FHIT: variants seen among roughly 807,000 people sequenced by gnomAD.
The protein encoded by FHIT is fragile histidine triad diadenosine triphosphatase.
FHIT carries 19 observed loss-of-function variants against 17.9 expected under a neutral mutation model. The observed-to-expected ratio is 1.06, with a 90% CI of 0.74 to 1.56. The LOEUF is 1.56. Ranked by LOEUF, FHIT falls within the 40% of genes most tolerant of loss-of-function variation. The pLI, the probability that FHIT is intolerant of heterozygous loss-of-function variation, is 0.00. For synonymous variants in FHIT, 81 were observed against 69.7 expected, an observed-to-expected ratio of 1.16 and a Z score of -0.81; for missense variants, 248 against 189.2, an observed-to-expected ratio of 1.31 and a Z score of -1.82.
chr3:60,460,241 A>C (rs150791361), intron 5 of FHIT, among the ~76,000 whole-genome samples: 2,316 of 152,294 alleles, frequency 0.015, 28 homozygotes, highest in Non-Finnish European at 0.021. Flanking sequence ...AATTAGGGAA[A>C]GTCTTTTGGT....
At chr3:60,307,378 C>A (rs1314580622) in intron 5 of FHIT, among the ~76,000 whole-genome samples, 1 of 152,150 alleles carries the variant, frequency 6.6e-6, no homozygotes, top group Non-Finnish European at 1.5e-5. Context: ...ACTTCATCTG[C>A]CCGAAGGAAG....
At chr3:60,915,694 A>G (rs1348884503) in intron 3 of FHIT, among the ~76,000 whole-genome samples, 3 of 152,192 alleles carry the variant, frequency 2.0e-5, no homozygotes, top group Non-Finnish European at 4.4e-5. Context: ...AAGGTGTTCT[A>G]AAAGAAACTT....
chr3:60,878,493 C>A (rs1704781256), intron 3 of FHIT, among the ~76,000 whole-genome samples: 1 of 151,188 alleles, frequency 6.6e-6, no homozygotes, highest in Non-Finnish European at 1.5e-5. Context: ...TACCATACCC[C>A]TTTTTTTTTA....
chr3:60,401,470 C>T (rs1701654182), intron 5 of FHIT, among the ~76,000 whole-genome samples: 2 of 152,158 alleles, frequency 1.3e-5, no homozygotes, highest in Non-Finnish European at 2.9e-5. Context: ...TGGGTATTGA[C>T]TCACTGTCAT....
chr3:60,444,047 C>G (rs564062259), intron 5 of FHIT, among the ~76,000 whole-genome samples: 3 of 152,214 alleles, frequency 2.0e-5, no homozygotes, highest in East Asian at 3.9e-4. Flanking sequence ...TGAACAGACA[C>G]TTCTCAAAAG....
At position 60,671,961 on chromosome 3, in the gene FHIT, T is replaced by C. The variant is rs567302140; in HGVS notation, c.-17-134982A>G. Among the ~76,000 whole-genome samples, 6 of 151,948 alleles carry C rather than the reference T, an allele frequency of 3.9e-5. No individual in the cohort carries two copies. The East Asian group carries it at 1.2e-3, about 30-fold the overall frequency. On this transcript the variant is annotated intron_variant, in intron 4 of 9. Coordinates refer to ENST00000492590, the MANE Select transcript of FHIT (RefSeq NM_002012.4). ...GCAAAACTCTGTCTTGAAAAAAAAA[T>C]TGGAATTATTATTTGTTCTTAATTG...
At chr3:60,894,105 T>G (rs1211767041) in intron 3 of FHIT, among the ~76,000 whole-genome samples, 1 of 152,164 alleles carries the variant, frequency 6.6e-6, no homozygotes, top group Non-Finnish European at 1.5e-5. Flanking sequence ...CTTTTTATTG[T>G]GGGGATGGGG....
intron 1 of FHIT, among the ~76,000 whole-genome samples, chr3:61,212,801 A>C (rs928340242): frequency 3.9e-5 from 6 of 152,244 alleles, no homozygotes; most frequent in African/African-American, 7.2e-5. Context: ...AACAGCGGAT[A>C]TCTCGGCAGA....
At chr3:60,089,677 T>C (rs1308634171) in intron 5 of FHIT, among the ~76,000 whole-genome samples, 2 of 152,170 alleles carry the variant, frequency 1.3e-5, no homozygotes, top group African/African-American at 4.8e-5. Flanking sequence ...GGGTGATTTA[T>C]AAAGAACAGA....
At chr3:60,096,277 T>C (rs1211734757) in intron 5 of FHIT, among the ~76,000 whole-genome samples, 1 of 151,110 alleles carries the variant, frequency 6.6e-6, no homozygotes, top group East Asian at 1.9e-4. Flanking sequence ...AGAGTGGGGA[T>C]GCAGGGGTGG....
At chr3:60,258,228 A>G (rs916396984) in intron 5 of FHIT, among the ~76,000 whole-genome samples, 1 of 152,072 alleles carries the variant, frequency 6.6e-6, no homozygotes, top group African/African-American at 2.4e-5. Flanking sequence ...GGTGTTGTAC[A>G]TCCCATGAAA....
At chr3:60,628,460 C>A (rs1179578990) in intron 4 of FHIT, among the ~76,000 whole-genome samples, 2 of 152,192 alleles carry the variant, frequency 1.3e-5, no homozygotes, top group African/African-American at 4.8e-5. Context: ...CAATTGGCCT[C>A]ACACCCAGCT....
chr3:60,365,538 G>T (rs567158969), intron 5 of FHIT, among the ~76,000 whole-genome samples: 1 of 151,996 alleles, frequency 6.6e-6, no homozygotes, highest in Non-Finnish European at 1.5e-5. Context: ...TTTCTTTTCT[G>T]TTAAGTCATA....
intron 5 of FHIT, among the ~76,000 whole-genome samples, chr3:60,258,654 A>G (rs1219795700): frequency 6.6e-6 from 1 of 152,152 alleles, no homozygotes; most frequent in Admixed American, 6.6e-5. Context: ...TCAACAAGGA[A>G]AAAGCATATA....
chr3:60,090,729 G>C (rs920264506), intron 5 of FHIT, among the ~76,000 whole-genome samples: 1 of 152,108 alleles, frequency 6.6e-6, no homozygotes, highest in Non-Finnish European at 1.5e-5. Context: ...TTGATGCTTG[G>C]TTCAGAGTGT....
In FHIT at chr3:60,976,997, G is replaced by C. The variant is rs1710283430; in HGVS notation, c.-111+65050C>G. 2.6e-5 allele frequency among the ~76,000 whole-genome samples: 4 copies of C among 152,102 alleles called. 1 individual carries two copies. The highest frequency in any genetic ancestry group is 2.6e-4 in the Admixed American group (4 of 15,274). On this transcript the variant is annotated intron_variant, in intron 3 of 9. Transcript: ENST00000492590. ...GTTGGAAAGTAAGCCCTGTAGGAAAGAAATCGGACTTGTTTTTCATCATCA... is the reference window on the plus strand; with the variant it reads ...GTTGGAAAGTAAGCCCTGTAGGAAACAAATCGGACTTGTTTTTCATCATCA...
intron 4 of FHIT, among the ~76,000 whole-genome samples, chr3:60,594,998 C>A (rs1172332606): frequency 1.3e-5 from 2 of 151,870 alleles, no homozygotes; most frequent in Non-Finnish European, 2.9e-5. Context: ...CTGTTGTATC[C>A]CTTGCTGTGT....
At chr3:60,000,968 T>C (rs1699707826) in intron 7 of FHIT, among the ~76,000 whole-genome samples, 1 of 152,166 alleles carries the variant, frequency 6.6e-6, no homozygotes, top group Non-Finnish European at 1.5e-5. Flanking sequence ...GAATGGTCTT[T>C]CTTCTCCAGC....
At chr3:60,984,392 C>T (rs977508302) in intron 3 of FHIT, among the ~76,000 whole-genome samples, 1 of 152,114 alleles carries the variant, frequency 6.6e-6, no homozygotes, top group Non-Finnish European at 1.5e-5. Flanking sequence ...CCCTTCATTC[C>T]ACCCCCACCT....
Sources: allele counts gnomAD v4.1 joint callset (sites outside exome capture counted in the v4.1 genomes callset), GRCh38; gene constraint gnomAD v4.1.1; transcripts MANE v1.5; gene names NCBI Gene and HGNC (gene_info 2026-07-23, HGNC 2026-07-21).